Variants in NIT1 observed in about 807,000 individuals in gnomAD.
The protein encoded by NIT1 is nitrilase 1, also known as deaminated glutathione amidase.
Under a neutral mutation model 36.8 loss-of-function variants are expected in NIT1, and 30 were observed. The observed-to-expected ratio is 0.82, with a 90% CI of 0.61 to 1.11. NIT1 has a LOEUF of 1.11. Ranked by LOEUF, NIT1 falls within the 50% of genes least tolerant of loss-of-function variation. The pLI is 0.00. For missense variants in NIT1, 438 were observed against 410.6 expected, an observed-to-expected ratio of 1.07 and a Z score of -0.58; for synonymous variants, 151 against 155.6, an observed-to-expected ratio of 0.97 and a Z score of 0.22.
chr1:161,120,214 A>G lies in NIT1; in HGVS notation c.699A>G (p.Thr233=), dbSNP rs1375706743. 2 of 1,614,116 alleles carry G rather than the reference A, an allele frequency of 1.2e-6. No homozygotes were observed. The highest frequency in any genetic ancestry group is 8.5e-7 in the Non-Finnish European group (1 of 1,180,010). ...ATCCTTCAGCTTTTGGATCCATTACAGGCCCAGCCCACTGGGAGGTAAGAT... is the reference window on the plus strand; with the variant it reads ...ATCCTTCAGCTTTTGGATCCATTACGGGCCCAGCCCACTGGGAGGTAAGAT... ...LTYPSAFGSI[T]GPAHWEVLLR... is the part of the protein sequence containing the mutation. The change falls in exon 6 of 7, where the codon ACA becomes ACG. Residue 233 remains threonine (T), a synonymous_variant. Coordinates refer to ENST00000368009, the MANE Select transcript of NIT1 (RefSeq NM_005600.3).
chr1:161,124,367 G>T, downstream of NIT1: 2 of 1,614,196 alleles, frequency 1.2e-6, no homozygotes, highest in Non-Finnish European at 1.7e-6. Context: ...GAGTGCCCAC[G>T]ATGTCAAACA....
rs753541320 is a variant in NIT1 at position 161,120,218 on chromosome 1, C to T, written c.703C>T (p.Pro235Ser). ...TTCAGCTTTTGGATCCATTACAGGC[C>T]CAGCCCACTGGGAGGTAAGATGATG... ...YPSAFGSITG[P>S]AHWEVLLRAR... is the part of the protein sequence containing the mutation. The change falls in exon 6 of 7, where the codon CCA (proline) becomes TCA (serine). Residue 235 changes from proline (P) to serine (S), a missense_variant. Pro to Ser is a moderately conservative substitution (Grantham distance 74, BLOSUM62 -1). Transcript: ENST00000368009. 5.6e-6 allele frequency: 9 copies of T among 1,614,060 alleles called. No homozygotes were observed. The highest frequency in any genetic ancestry group is 7.6e-6 in the Non-Finnish European group (9 of 1,180,002).
At chr1:161,123,000 C>A, downstream of NIT1, 1 of 1,614,168 alleles carries the variant, frequency 6.2e-7, no homozygotes, top group African/African-American at 1.3e-5. The surrounding 1 kb of genome is among the most constrained non-coding windows in gnomAD (Gnocchi z 4.2). Flanking sequence ...ATAGCATAAA[C>A]TGCCCAGTGT....
chr1:161,120,645 G>C lies in NIT1; in HGVS notation c.864G>C (p.Gly288=). 1 of 1,614,214 alleles carries C rather than the reference G, an allele frequency of 6.2e-7. No individual in the cohort carries two copies. The highest frequency in any genetic ancestry group is 8.5e-7 in the Non-Finnish European group (1 of 1,180,044). Residue 288 remains glycine (G), a synonymous_variant, in exon 7 of 7, where the codon GGG becomes GGC. Coordinates refer to ENST00000368009, the MANE Select transcript of NIT1 (RefSeq NM_005600.3). ...WGTVVARCSE[G]PGLCLARIDL... is the part of the protein sequence containing the mutation. Reference sequence around the variant, plus strand: ...CAGTGGTGGCCCGCTGCTCTGAGGGGCCAGGCCTCTGCCTTGCCCGAATAG... The same window carrying C: ...CAGTGGTGGCCCGCTGCTCTGAGGGCCCAGGCCTCTGCCTTGCCCGAATAG...
At chr1:161,119,456 A>G in intron 3 of NIT1, 53 bp from the exon 4 acceptor site, 2 of 1,613,270 alleles carry the variant, frequency 1.2e-6, no homozygotes, top group Non-Finnish European at 1.7e-6. Flanking sequence ...GCCAGATATG[A>G]GGGTAGAGCC....
At chr1:161,122,041 AGGC>A, downstream of NIT1, 1 of 1,313,606 alleles carries the variant, frequency 7.6e-7, no homozygotes, top group Non-Finnish European at 1.0e-6. This position sits in a 1 kb window ranked among gnomAD's most constrained non-coding sequence, Gnocchi z 4.2. Flanking sequence ...AAAAAAAAAA[AGGC>A]AGGGGTGTGA....
chr1:161,119,110 G>T (rs763465627), intron 2 of NIT1, 24 bp from the exon 3 acceptor site: 41 of 1,609,006 alleles, frequency 2.5e-5, no homozygotes, highest in Non-Finnish European at 3.4e-5. Flanking sequence ...TGAAATCTGA[G>T]AATCCTGCCT....
Position 161,118,133 on chromosome 1 carries a change from C to T in NIT1, c.-44C>T. 3.1e-6 allele frequency: 5 copies of T among 1,613,880 alleles called. No individual in the cohort carries two copies. Among genetic ancestry groups the T allele is most frequent in the Non-Finnish European group, 4.2e-6 (5 of 1,179,894 alleles). ...CGCTGCGGCGCTTCTGGCTCCAGAC[C>T]GCCCTCCGGATCGGACCCTGCGAAT... On this transcript the variant is annotated 5_prime_UTR_variant, in exon 1 of 7. Coordinates refer to ENST00000368009, the MANE Select transcript of NIT1 (RefSeq NM_005600.3).
downstream of NIT1, chr1:161,121,994 A>G (rs1655548298): frequency 9.7e-7 from 1 of 1,026,858 alleles, no homozygotes; most frequent in Non-Finnish European, 1.4e-6. Flanking sequence ...GGTGGGGAAT[A>G]CCACTTCCAC....
chr1:161,120,046 T>A, intron 5 of NIT1, 61 bp from the exon 6 acceptor site: 1 of 1,610,222 alleles, frequency 6.2e-7, no homozygotes, highest in South Asian at 1.1e-5. Flanking sequence ...AATGGAAATA[T>A]GACTAGATGC....
chr1:161,119,210 G>C lies in NIT1; in HGVS notation c.175G>C (p.Asp59His). ...VAVCQVTSTP[D>H]KQQNFKTCAE... ...TGTGTGCCAGGTAACATCGACGCCA[G>C]ACAAGCAACAGAACTTTAAAACATG... Residue 59 changes from aspartate (D) to histidine (H), a missense_variant, in exon 3 of 7, where the codon GAC becomes CAC. Asp to His is a moderately conservative substitution (Grantham distance 81). Coordinates refer to ENST00000368009, the MANE Select transcript of NIT1 (RefSeq NM_005600.3). The C allele has an allele frequency of 6.2e-7, 1 of 1,614,208 alleles. No homozygotes were observed. The highest frequency in any genetic ancestry group is 1.1e-5 in the South Asian group (1 of 91,082).
downstream of NIT1, chr1:161,124,105 C>CAG: frequency 6.3e-7 from 1 of 1,594,464 alleles, no homozygotes; most frequent in African/African-American, 1.3e-5. Flanking sequence ...TCCCACAACT[C>CAG]TTCCCTGATT....
chr1:161,122,618 A>AAGT, downstream of NIT1: 1 of 1,470,246 alleles, frequency 6.8e-7, no homozygotes, highest in Non-Finnish European at 9.2e-7. This position sits in a 1 kb window ranked among gnomAD's most constrained non-coding sequence, Gnocchi z 4.2. Flanking sequence ...CAGAATAAAA[A>AAGT]AGTAGGGAAT....
At chr1:161,120,356 C>T in intron 6 of NIT1, 124 bp downstream of exon 6, 2 of 1,464,076 alleles carry the variant, frequency 1.4e-6, no homozygotes, top group South Asian at 1.3e-5. Flanking sequence ...AGATATTTCT[C>T]TCATGAATAG....
chr1:161,118,122 T>G lies in NIT1; in HGVS notation c.-55T>G. On this transcript the variant is annotated 5_prime_UTR_variant, in exon 1 of 7. Transcript: ENST00000368009. ...TACCGCCCACTCGCTGCGGCGCTTC[T>G]GGCTCCAGACCGCCCTCCGGATCGG... 1 of 1,613,776 alleles carries G rather than the reference T, an allele frequency of 6.2e-7. No homozygotes were observed. The highest frequency in any genetic ancestry group is 1.7e-5 in the Admixed American group (1 of 60,026).
At position 161,120,672 on chromosome 1, in the gene NIT1, C is replaced by A. The variant is rs1239453796; in HGVS notation, c.891C>A (p.Asp297Glu). 1 of 1,614,074 alleles carries A rather than the reference C, an allele frequency of 6.2e-7. No homozygotes were observed. Among genetic ancestry groups the A allele is most frequent in the Admixed American group, 1.7e-5 (1 of 60,010 alleles). The part of the protein sequence containing the change: ...EGPGLCLARI[D>E]LNYLRQLRRH... ...CAGGCCTCTGCCTTGCCCGAATAGA[C>A]CTCAACTATCTGCGACAGTTGCGCC... Residue 297 changes from aspartate to glutamate, a missense_variant, in exon 7 of 7, where the codon GAC becomes GAA. Physicochemically the swap from Asp to Glu is conservative, Grantham distance 45. Coordinates refer to ENST00000368009, the MANE Select transcript of NIT1 (RefSeq NM_005600.3).
chr1:161,123,043 G>A (rs1398502039), downstream of NIT1: 1 of 1,614,050 alleles, frequency 6.2e-7, no homozygotes, highest in Admixed American at 1.7e-5. Flanking sequence ...CTTCAAGTCT[G>A]CTCCATCTCT....
rs546850661 is a variant in NIT1, at chr1:161,119,594, G to A, written c.439G>A (p.Val147Met). ...GACTCAGAAAATCTACAATTGTCAC[G>A]TGCTGCTGAACAGCAAAGGTGAGAC... ...EQTQKIYNCH[V>M]LLNSKGAVVA... Residue 147 changes from valine (V) to methionine (M), a missense_variant, in exon 4 of 7, where the codon GTG (valine) becomes ATG (methionine). Transcript: ENST00000368009. The A allele has an allele frequency of 6.8e-6, 11 of 1,614,080 alleles. No individual in the cohort carries two copies. The highest frequency in any genetic ancestry group is 2.2e-5 in the East Asian group (1 of 44,874).
At chr1:161,119,661 T>TAAACTTA in intron 4 of NIT1, 49 bp downstream of exon 4, 2 of 1,505,744 alleles carry the variant, frequency 1.3e-6, no homozygotes, top group Non-Finnish European at 1.8e-6. Flanking sequence ...CTCTTCTACC[T>TAAACTTA]AGATTCTCCA....
Sources: gnomAD v4.1 joint callset for allele counts on GRCh38, gnomAD v4.1.1 for gene constraint, Gnocchi (gnomAD v3.1) non-coding constraint, MANE v1.5 for transcripts, NCBI Gene and HGNC (gene_info 2026-07-23, HGNC 2026-07-21) for gene names.